HIRA: variants seen among roughly 807,000 people sequenced by gnomAD.
HIRA encodes protein HIRA.
HIRA carries 13 observed loss-of-function variants against 126.6 expected under a neutral mutation model. The observed-to-expected ratio is 0.10, with a 90% confidence interval of 0.07 to 0.16. HIRA has a LOEUF of 0.16. Among genes scored for constraint, HIRA ranks in the 10% least tolerant of loss-of-function variants. The pLI, the probability that HIRA is intolerant of heterozygous loss-of-function variation, is 1.00. For synonymous variants in HIRA, 511 were observed against 520.0 expected (o/e 0.98, Z 0.24); for missense variants, 834 against 1,314.4 (o/e 0.63, Z 5.65).
intron 24 of HIRA, among the ~76,000 whole-genome samples, chr22:19,337,626 G>C (rs1158399774): frequency 6.6e-6 from 1 of 152,150 alleles, no homozygotes; most frequent in African/African-American, 2.4e-5. Flanking sequence ...GACCTTGCTA[G>C]AGATCTAGAC....
intron 15 of HIRA, among the ~76,000 whole-genome samples, chr22:19,372,256 A>C (rs1007249649): frequency 6.6e-6 from 1 of 152,224 alleles, no homozygotes; most frequent in Admixed American, 6.5e-5. Context: ...TTATCTGACT[A>C]TCTGATCTTT....
chr22:19,366,310 C>T (rs1449156016), intron 15 of HIRA, among the ~76,000 whole-genome samples: 1 of 152,082 alleles, frequency 6.6e-6, no homozygotes. Context: ...TGCAGTGAGC[C>T]GAGACCGCAC....
At chr22:19,340,112 A>G (rs1556007173) in intron 24 of HIRA, among the ~76,000 whole-genome samples, 1 of 152,210 alleles carries the variant, frequency 6.6e-6, no homozygotes, top group East Asian at 1.9e-4. Context: ...CATAGATGCA[A>G]AAATCCTCAA....
At chr22:19,414,188 T>C (rs958743694) in intron 1 of HIRA, among the ~76,000 whole-genome samples, 1 of 152,198 alleles carries the variant, frequency 6.6e-6, no homozygotes, top group Non-Finnish European at 1.5e-5. Flanking sequence ...ACAGCCAATA[T>C]AGTCAGCCAC....
At chr22:19,409,218 C>G (rs2089331336) in intron 2 of HIRA, among the ~76,000 whole-genome samples, 1 of 152,120 alleles carries the variant, frequency 6.6e-6, no homozygotes, top group Admixed American at 6.5e-5. Flanking sequence ...ATTTAGGGCT[C>G]CCGTGGTCAT....
rs1167711791 is a variant in HIRA at position 19,361,262 on chromosome 22, C to T, written c.2060G>A (p.Ser687Asn). ...CTGGAGGGTGAATGCTCTCTGGGGGCTTGGAATTGGCAGCTTCAGTGCAAG... is the reference window on the plus strand; with the variant it reads ...CTGGAGGGTGAATGCTCTCTGGGGGTTTGGAATTGGCAGCTTCAGTGCAAG... ...PALALKLPIP[S>N]PQRAFTLQVS... is the part of the protein sequence containing the mutation. Residue 687 changes from serine (S) to asparagine (N), a missense_variant, in exon 17 of 25, where the codon AGC becomes AAC. Around this residue, in one of 5 missense-constraint regions of HIRA, gnomAD observed 468 missense variants for 574.2 expected, o/e 0.82. Coordinates refer to ENST00000263208, the MANE Select transcript of HIRA (RefSeq NM_003325.4). 6.2e-7 allele frequency: 1 copy of T among 1,614,038 alleles called. No individual in the cohort carries two copies. The highest frequency in any genetic ancestry group is 1.3e-5 in the African/African-American group (1 of 74,910).
intron 17 of HIRA, 106 bp from the exon 18 acceptor site, chr22:19,359,590 G>A: frequency 7.9e-7 from 1 of 1,266,326 alleles, no homozygotes; most frequent in Non-Finnish European, 1.0e-6. Flanking sequence ...AGGATACAGA[G>A]GCAGACTGGC....
intron 24 of HIRA, among the ~76,000 whole-genome samples, chr22:19,337,141 G>A (rs542598494): frequency 1.3e-5 from 2 of 151,732 alleles, no homozygotes; most frequent in East Asian, 3.9e-4. Context: ...CTGTTGTCCA[G>A]GCTGGAGTGC....
chr22:19,354,046 G>A lies in HIRA; in HGVS notation c.2634C>T (p.Asp878=), dbSNP rs781793933. ...ADFRSSLPSQ[D]AMLCSGPLAI... ...CTAACGGTCCTGAGCACAGCATGGCGTCCTGGGATGGCAGGCTGCTCCTAA... is the reference window on the plus strand; with the variant it reads ...CTAACGGTCCTGAGCACAGCATGGCATCCTGGGATGGCAGGCTGCTCCTAA... Residue 878 remains aspartate (D), a synonymous_variant, in exon 22 of 25, where the codon GAC becomes GAT. Transcript: ENST00000263208. The A allele has an allele frequency of 5.0e-6, 8 of 1,613,298 alleles. No individual in the cohort carries two copies. The highest frequency in any genetic ancestry group is 1.6e-4 in the Middle Eastern group (1 of 6,082).
intron 8 of HIRA, among the ~76,000 whole-genome samples, chr22:19,393,475 G>T (rs1255739248): frequency 6.6e-6 from 1 of 151,840 alleles, no homozygotes; most frequent in East Asian, 1.9e-4. Flanking sequence ...CTCTTGCCTC[G>T]GCCTCCTGAG....
chr22:19,355,550 G>A (rs2088803227), intron 21 of HIRA, among the ~76,000 whole-genome samples: 1 of 152,216 alleles, frequency 6.6e-6, no homozygotes, highest in Non-Finnish European at 1.5e-5. Flanking sequence ...CAGTGCTCCT[G>A]CACACAGGCT....
In HIRA at chr22:19,356,216, G is replaced by A; in HGVS notation, c.2455+14C>T. 2 of 1,611,928 alleles carry A rather than the reference G, an allele frequency of 1.2e-6. No individual in the cohort carries two copies. Among genetic ancestry groups the A allele is most frequent in the Middle Eastern group, 1.7e-4 (1 of 6,060 alleles). ...GCCCCCAAAAGAGTAGGGACAGCCT[G>A]TTGCCTGCATTACCTGCCAGGATGG... On this transcript the variant is annotated intron_variant, in intron 20 of 24. Coordinates refer to ENST00000263208, the MANE Select transcript of HIRA (RefSeq NM_003325.4).
intron 9 of HIRA, among the ~76,000 whole-genome samples, chr22:19,388,886 C>G (rs937553121): frequency 3.3e-5 from 5 of 152,150 alleles, no homozygotes; most frequent in African/African-American, 9.7e-5. Context: ...GGGACAGCCC[C>G]AGGGTGGACC....
At chr22:19,405,575 G>C in intron 5 of HIRA, 3 of 910,138 alleles carry the variant, frequency 3.3e-6, no homozygotes, top group Non-Finnish European at 3.9e-6. Context: ...GGCAAGAGTG[G>C]GGAGACTGAA....
In HIRA at chr22:19,407,155, A is replaced by T. The variant is rs775985364; in HGVS notation, c.302+29T>A. ...ACCAGCAAAGCAGCTTCTAAAAATAAAATGTGAAGAAAGGAAAATGATGCT... is the reference window on the plus strand; with the variant it reads ...ACCAGCAAAGCAGCTTCTAAAAATATAATGTGAAGAAAGGAAAATGATGCT... On this transcript the variant is annotated intron_variant, in intron 4 of 24. Transcript: ENST00000263208. 3.8e-6 allele frequency: 6 copies of T among 1,569,744 alleles called. No individual in the cohort carries two copies. The South Asian group carries it at 6.7e-5, about 17-fold the overall frequency.
intron 15 of HIRA, among the ~76,000 whole-genome samples, chr22:19,368,081 C>T (rs1282979546): frequency 6.6e-6 from 1 of 152,142 alleles, no homozygotes; most frequent in Non-Finnish European, 1.5e-5. Flanking sequence ...TGAGTGAACT[C>T]CTGTCTAGTA....
At chr22:19,392,033 C>G in intron 9 of HIRA, 68 bp downstream of exon 9, 1 of 872,630 alleles carries the variant, frequency 1.1e-6, no homozygotes, top group Non-Finnish European at 1.8e-6. Flanking sequence ...AGGTCTCTTT[C>G]CTCCACTTGC....
rs113951585 is a variant in HIRA at position 19,374,905 on chromosome 22, C to T, written c.1775+726G>A. Among the ~76,000 whole-genome samples, 644 of 152,320 alleles carry T rather than the reference C, an allele frequency of 4.2e-3. 4 individuals are homozygous for T. The highest frequency in any genetic ancestry group is 0.015 in the African/African-American group (606 of 41,566). ...CCCAAAGTCCAGCCCACATCTGCCTCTCCTCTCCTAGGCTCTGACTCACTG... is the reference window on the plus strand; with the variant it reads ...CCCAAAGTCCAGCCCACATCTGCCTTTCCTCTCCTAGGCTCTGACTCACTG... On this transcript the variant is annotated intron_variant, in intron 15 of 24. Coordinates refer to ENST00000263208, the MANE Select transcript of HIRA (RefSeq NM_003325.4).
At position 19,332,504 on chromosome 22, in the gene HIRA, GA is replaced by G. The variant is rs369036029; in HGVS notation, c.2938-949del. The stretch of plus-strand genomic sequence containing the variant: ...AATGTTTACTATCTGGTCCTTTACA[GA>G]AAAGTTTGTCAACTCCTAAAATAGA... On this transcript the variant is annotated intron_variant, in intron 24 of 24. Coordinates refer to ENST00000263208, the MANE Select transcript of HIRA (RefSeq NM_003325.4). Among the ~76,000 whole-genome samples the G allele has an allele frequency of 8.0e-4, 121 of 152,178 alleles. 1 individual carries two copies. The highest frequency in any genetic ancestry group is 2.7e-3 in the African/African-American group (112 of 41,540).
Sources: allele counts gnomAD v4.1 joint callset (sites outside exome capture counted in the v4.1 genomes callset), GRCh38; gene constraint gnomAD v4.1.1; regional missense constraint gnomAD v4.1.1; transcripts MANE v1.5; gene names NCBI Gene and HGNC (gene_info 2026-07-23, HGNC 2026-07-21).